STPG2: variants seen among roughly 807,000 people sequenced by gnomAD.
The protein encoded by STPG2 is sperm tail PG-rich repeat containing 2.
STPG2 carries 56 observed loss-of-function variants against 54.2 expected under a neutral mutation model. That is an observed-to-expected ratio of 1.03 (90% CI 0.83 to 1.29). The LOEUF is 1.29. Ranked by LOEUF, STPG2 falls within the 50% of genes most tolerant of loss-of-function variation. STPG2 has a pLI of 0.00. For synonymous variants in STPG2, 200 were observed against 181.8 expected (o/e 1.10, Z -0.81); for missense variants, 596 against 544.9 (o/e 1.09, Z -0.93).
intron 4 of STPG2, among the ~76,000 whole-genome samples, chr4:97,469,261 A>C (rs371245866): frequency 5.5e-4 from 84 of 152,228 alleles, no homozygotes; most frequent in Middle Eastern, 3.4e-3. Flanking sequence ...AATGCATGTT[A>C]ATACATTAAA....
intron 8 of STPG2, among the ~76,000 whole-genome samples, chr4:97,878,697 G>C (rs971757540): frequency 6.6e-6 from 1 of 152,102 alleles, no homozygotes; most frequent in Non-Finnish European, 1.5e-5. Flanking sequence ...GTGATGGGAG[G>C]GGCTGCTCTG....
intron 4 of STPG2, among the ~76,000 whole-genome samples, chr4:97,456,545 T>C (rs544670844): frequency 2.6e-5 from 4 of 152,044 alleles, no homozygotes; most frequent in Non-Finnish European, 5.9e-5. Context: ...ACCATATTAC[T>C]GACAAAGGAA....
intron 4 of STPG2, among the ~76,000 whole-genome samples, chr4:97,539,709 G>C (rs1239090550): frequency 6.6e-6 from 1 of 152,138 alleles, no homozygotes; most frequent in Non-Finnish European, 1.5e-5. Context: ...GGACCTAACA[G>C]ACATCTACAG....
rs576364648 is a variant in STPG2 at position 97,478,782 on chromosome 4, G to A, written c.462+233917C>T. ...TGAGGAAGGGCTTGTTAACTGTATC[G>A]CTAGACTTACCATACATTACTAATT... On this transcript the variant is annotated intron_variant, in intron 4 of 4. Coordinates refer to the STPG2 transcript ENST00000522676. 9.9e-5 allele frequency among the ~76,000 whole-genome samples: 15 copies of A among 151,394 alleles called. No individual in the cohort carries two copies. In the East Asian group the frequency reaches 2.1e-3, roughly 22 times the overall value.
chr4:97,628,923 A>G (rs1721150665), intron 10 of STPG2, among the ~76,000 whole-genome samples: 1 of 152,096 alleles, frequency 6.6e-6, no homozygotes, highest in Non-Finnish European at 1.5e-5. Flanking sequence ...CCAATTGCTC[A>G]TCATTTTTTA....
intron 3 of STPG2, among the ~76,000 whole-genome samples, chr4:98,116,761 C>A (rs1578177930): frequency 6.6e-6 from 1 of 151,864 alleles, no homozygotes; most frequent in Admixed American, 6.6e-5. Flanking sequence ...GAGACAAAAA[C>A]TCCCATGGCC....
intron 7 of STPG2, among the ~76,000 whole-genome samples, chr4:97,960,572 A>C (rs1218062799): frequency 1.3e-5 from 2 of 152,112 alleles, no homozygotes; most frequent in Non-Finnish European, 2.9e-5. Flanking sequence ...GCTAAGAATC[A>C]AATCAAGAAC....
At chr4:97,937,429 G>T (rs572675035) in intron 8 of STPG2, among the ~76,000 whole-genome samples, 28 of 152,222 alleles carry the variant, frequency 1.8e-4, no homozygotes, top group African/African-American at 6.3e-4. Flanking sequence ...TGCTGAAGAG[G>T]TGTTGTGATC....
chr4:97,992,928 T>G (rs1229895305), intron 5 of STPG2, among the ~76,000 whole-genome samples: 1 of 152,200 alleles, frequency 6.6e-6, no homozygotes, highest in Non-Finnish European at 1.5e-5. Flanking sequence ...TGTACAGTAA[T>G]TTTGTATCCT....
intron 6 of STPG2, among the ~76,000 whole-genome samples, chr4:97,974,323 G>C (rs746899376): frequency 5.3e-5 from 8 of 152,112 alleles, no homozygotes; most frequent in Non-Finnish European, 1.2e-4. Context: ...GATTTTACTG[G>C]CTCATAGGTG....
At chr4:97,634,654 T>C (rs1312169525) in intron 10 of STPG2, among the ~76,000 whole-genome samples, 1 of 151,768 alleles carries the variant, frequency 6.6e-6, no homozygotes, top group African/African-American at 2.4e-5. Flanking sequence ...AAGGAGCTGA[T>C]GGAGCTGAAA....
intron 8 of STPG2, among the ~76,000 whole-genome samples, chr4:97,861,949 T>C (rs566090931): frequency 1.3e-5 from 2 of 152,128 alleles, no homozygotes; most frequent in African/African-American, 4.8e-5. Flanking sequence ...GAACAACTGG[T>C]ACCAGCCACT....
chr4:97,816,942 ATG>A (rs1020087182), intron 9 of STPG2, among the ~76,000 whole-genome samples: 19 of 147,210 alleles, frequency 1.3e-4, no homozygotes, highest in African/African-American at 4.7e-4. Context: ...ATTTATACAC[ATG>A]TGTGTAGAAA....
chr4:97,916,667 A>G (rs562199411), intron 8 of STPG2: 6 of 152,908 alleles, frequency 3.9e-5, no homozygotes, highest in Admixed American at 3.3e-4. Flanking sequence ...GCCTCCAGGA[A>G]GACGTCTCCT....
chr4:97,456,971 T>C (rs1729544191), intron 4 of STPG2, among the ~76,000 whole-genome samples: 1 of 146,322 alleles, frequency 6.8e-6, no homozygotes, highest in Non-Finnish European at 1.5e-5. Context: ...CCAAAGAAGA[T>C]TATATAATGG....
intron 8 of STPG2, among the ~76,000 whole-genome samples, chr4:97,868,452 G>T (rs1729870078): frequency 6.6e-6 from 1 of 151,814 alleles, no homozygotes; most frequent in Admixed American, 6.6e-5. Context: ...TTAGCATACG[G>T]ATTCCCAGAC....
chr4:98,004,459 G>A (rs1007112198), intron 5 of STPG2, among the ~76,000 whole-genome samples: 2 of 152,160 alleles, frequency 1.3e-5, no homozygotes, highest in Admixed American at 6.6e-5. Flanking sequence ...TGGGAGTACA[G>A]ATATGTCTTC....
At chr4:97,723,781 AG>A (rs1724532697) in intron 9 of STPG2, among the ~76,000 whole-genome samples, 2 of 152,192 alleles carry the variant, frequency 1.3e-5, no homozygotes, top group Non-Finnish European at 1.5e-5. Context: ...CTTCTTCACG[AG>A]GCAGTAGGAG....
intron 8 of STPG2, among the ~76,000 whole-genome samples, chr4:97,860,467 G>A (rs1729485406): frequency 7.2e-6 from 1 of 138,698 alleles, no homozygotes; most frequent in African/African-American, 2.6e-5. Context: ...ATATTCCTAA[G>A]TTTTATTTTA....
Sources: allele counts gnomAD v4.1 joint callset (sites outside exome capture counted in the v4.1 genomes callset), GRCh38; gene constraint gnomAD v4.1.1; transcripts MANE v1.5; gene names NCBI Gene and HGNC (gene_info 2026-07-23, HGNC 2026-07-21).